Variants in PIK3C2G observed in about 807,000 individuals in gnomAD.
The protein encoded by PIK3C2G is phosphatidylinositol-4-phosphate 3-kinase catalytic subunit type 2 gamma.
In PIK3C2G, 168 loss-of-function variants were observed where a neutral mutation model predicts 181.1. That is an observed-to-expected ratio of 0.93 (90% CI 0.82 to 1.05). The LOEUF (loss-of-function observed/expected upper bound fraction) is 1.05. PIK3C2G is among the 50% of genes least tolerant of loss of function. PIK3C2G has a pLI of 0.00. For synonymous variants in PIK3C2G, 573 were observed against 592.2 expected, an observed-to-expected ratio of 0.97 and a Z score of 0.47; for missense variants, 1,869 against 1,732.8, an observed-to-expected ratio of 1.08 and a Z score of -1.40.
At chr12:18,537,517 T>C (rs765884467) in intron 24 of PIK3C2G, among the ~76,000 whole-genome samples, 9 of 152,084 alleles carry the variant, frequency 5.9e-5, no homozygotes, top group Non-Finnish European at 1.0e-4. Flanking sequence ...CTCTGGTCTT[T>C]TGTTTTCTTA....
chr12:18,631,500 A>G (rs1949348935), intron 31 of PIK3C2G, among the ~76,000 whole-genome samples: 1 of 152,178 alleles, frequency 6.6e-6, no homozygotes, highest in Non-Finnish European at 1.5e-5. Context: ...TCTTCATACA[A>G]TGGGGAATCC....
At chr12:18,689,938 C>A in the PIK3C2G span, among the ~76,000 whole-genome samples, 2 of 152,186 alleles carry the variant, frequency 1.3e-5, no homozygotes, top group East Asian at 3.9e-4. Context: ...CAGAGAAAGA[C>A]CCACATGGCC....
rs191363119 is a variant in PIK3C2G at position 18,301,649 on chromosome 12, T to A, written c.1034+7634T>A. On this transcript the variant is annotated intron_variant, in intron 5 of 32. Coordinates refer to ENST00000538779, the MANE Select transcript of PIK3C2G (RefSeq NM_001288772.2). ...TTTTTTGTGCTGTTTGCTTGTGTTC[T>A]CTTGTATCTCACTGAGTTTTTTTCA... 2.3e-3 allele frequency among the ~76,000 whole-genome samples: 355 copies of A among 152,276 alleles called. 2 individuals carry two copies. The highest frequency in any genetic ancestry group is 8.7e-3 in the East Asian group (45 of 5,192).
chr12:18,610,568 AT>A (rs1948281640), intron 31 of PIK3C2G, among the ~76,000 whole-genome samples: 1 of 152,104 alleles, frequency 6.6e-6, no homozygotes, highest in African/African-American at 2.4e-5. Context: ...ACTATCAGCA[AT>A]TTTTGTAGTA....
intron 25 of PIK3C2G, among the ~76,000 whole-genome samples, chr12:18,541,239 A>C (rs564111516): frequency 6.6e-6 from 1 of 151,948 alleles, no homozygotes; most frequent in Non-Finnish European, 1.5e-5. Flanking sequence ...CTACAGAGTT[A>C]ATGGCTCATC....
At chr12:18,427,732 T>C (rs1444646366) in intron 18 of PIK3C2G, among the ~76,000 whole-genome samples, 1 of 151,876 alleles carries the variant, frequency 6.6e-6, no homozygotes, top group African/African-American at 2.4e-5. Flanking sequence ...CGTCACTGTT[T>C]CCAAAAAGGT....
At chr12:18,244,431 A>C (rs1306783631), upstream of PIK3C2G, among the ~76,000 whole-genome samples, 1 of 152,166 alleles carries the variant, frequency 6.6e-6, no homozygotes, top group Admixed American at 6.5e-5. Flanking sequence ...AAAAGGTATA[A>C]TAAAACAGAA....
chr12:18,354,744 C>G (rs538068177), intron 11 of PIK3C2G, among the ~76,000 whole-genome samples: 1 of 152,290 alleles, frequency 6.6e-6, no homozygotes, highest in Non-Finnish European at 1.5e-5. Context: ...AGGATGCACT[C>G]CAGAAGAGTA....
At chr12:18,358,701 C>T in intron 11 of PIK3C2G, 1 of 474,962 alleles carries the variant, frequency 2.1e-6, no homozygotes, top group Non-Finnish European at 4.2e-6. Flanking sequence ...TTCCAGGAAC[C>T]AAAGAAAGAG....
intron 15 of PIK3C2G, among the ~76,000 whole-genome samples, chr12:18,396,943 G>A (rs1352493745): frequency 6.6e-6 from 1 of 151,752 alleles, no homozygotes; most frequent in African/African-American, 2.4e-5. Context: ...TATGTGGAAT[G>A]CAAAAGAGCC....
At chr12:18,388,024 A>C (rs1047446006) in intron 14 of PIK3C2G, among the ~76,000 whole-genome samples, 1 of 152,208 alleles carries the variant, frequency 6.6e-6, no homozygotes, top group South Asian at 2.1e-4. Flanking sequence ...CTTATATTCC[A>C]TTATCGTCAG....
intron 26 of PIK3C2G, among the ~76,000 whole-genome samples, chr12:18,552,239 C>T (rs1447148435): frequency 6.6e-6 from 1 of 152,146 alleles, no homozygotes; most frequent in South Asian, 2.1e-4. Flanking sequence ...TTGTTCCCCT[C>T]ATTCCTCATT....
In PIK3C2G at chr12:18,566,988, T is replaced by C; in HGVS notation, c.3942T>C (p.Asp1314=). 6.2e-7 allele frequency: 1 copy of C among 1,601,958 alleles called. No individual in the cohort carries two copies. The highest frequency in any genetic ancestry group is 8.5e-7 in the Non-Finnish European group (1 of 1,169,646). ...GGCACCTACCTTTTACAAATTCAGA[T>C]CACAGAAGATTCAGAGATCTAAATC... The part of the protein sequence containing the change: ...HWWHLPFTNS[D]HRRFRDLNHY... The change falls in exon 29 of 33, where the codon GAT becomes GAC. Residue 1314 remains aspartate, a synonymous_variant. Coordinates refer to ENST00000538779, the MANE Select transcript of PIK3C2G (RefSeq NM_001288772.2).
At chr12:18,308,247 T>C (rs1184773020) in intron 5 of PIK3C2G, among the ~76,000 whole-genome samples, 1 of 151,818 alleles carries the variant, frequency 6.6e-6, no homozygotes, top group Admixed American at 6.6e-5. Context: ...ACAGCAGAGA[T>C]TTAATCTTAA....
At chr12:18,668,818 T>G in the PIK3C2G span, among the ~76,000 whole-genome samples, 1 of 152,176 alleles carries the variant, frequency 6.6e-6, no homozygotes, top group Admixed American at 6.5e-5. Flanking sequence ...GATACATATC[T>G]ACTCATACAT....
At chr12:18,321,471 A>G (rs1371838730) in intron 7 of PIK3C2G, among the ~76,000 whole-genome samples, 2 of 152,240 alleles carry the variant, frequency 1.3e-5, no homozygotes, top group Admixed American at 1.3e-4. Flanking sequence ...TTGATTGACA[A>G]CAAATGAACA....
intron 29 of PIK3C2G, among the ~76,000 whole-genome samples, chr12:18,593,954 A>AT (rs2136489642): frequency 6.6e-6 from 1 of 151,976 alleles, no homozygotes; most frequent in African/African-American, 2.4e-5. Context: ...AACAGATTAT[A>AT]TTACTTTAAT....
At position 18,320,969 on chromosome 12, in the gene PIK3C2G, AG is replaced by A; in HGVS notation, c.1147del (p.Asp383ThrfsTer7). On this transcript the variant is annotated frameshift_variant, in exon 7 of 33. Coordinates refer to ENST00000538779, the MANE Select transcript of PIK3C2G (RefSeq NM_001288772.2). LOFTEE classifies it high-confidence loss of function. ...APGKLSRKHE[E>X]DHSQFYLNQL... ...ATATTCTGCTGTCTACAGCATGAAG[AG>A]GACCACAGTCAGTTTTATCTGAATC... is the stretch of plus-strand genomic sequence containing the variant. 1 of 1,555,628 alleles carries A rather than the reference AG, an allele frequency of 6.4e-7. No homozygotes were observed. Among genetic ancestry groups the A allele is most frequent in the Non-Finnish European group, 8.8e-7 (1 of 1,131,556 alleles).
At chr12:18,675,269 T>C in the PIK3C2G span, among the ~76,000 whole-genome samples, 2 of 152,292 alleles carry the variant, frequency 1.3e-5, no homozygotes, top group East Asian at 1.9e-4. Context: ...TCCAGCCAAA[T>C]TGTAGTCTCA....
Sources: gnomAD v4.1 joint callset for allele counts (sites outside exome capture counted in the v4.1 genomes callset) on GRCh38, gnomAD v4.1.1 for gene constraint, MANE v1.5 for transcripts, NCBI Gene and HGNC (gene_info 2026-07-23, HGNC 2026-07-21) for gene names.